The following CCDC9B variants were observed in gnomAD, a reference collection of about 807,000 sequenced individuals.
The protein encoded by CCDC9B is coiled-coil domain containing 9B, also known as coiled-coil domain-containing protein 9B.
CCDC9B carries 40 observed loss-of-function variants against 47.2 expected under a neutral mutation model. That is an observed-to-expected ratio of 0.85 (90% CI 0.66 to 1.10). The LOEUF is 1.10. Among genes scored for constraint, CCDC9B ranks in the 50% least tolerant of loss-of-function variants. The pLI, the probability that CCDC9B is intolerant of heterozygous loss-of-function variation, is 0.00. For missense variants in CCDC9B, 662 were observed against 651.0 expected (o/e 1.02, Z -0.18); for synonymous variants, 238 against 250.7 (o/e 0.95, Z 0.48).
chr15:40,338,824 T>G lies in CCDC9B; in HGVS notation c.311A>C (p.Asp104Ala). Residue 104 changes from aspartate to alanine, a missense_variant, in exon 4 of 11, where the codon GAT (aspartate) becomes GCT (alanine). Coordinates refer to ENST00000397536, the MANE Select transcript of CCDC9B (RefSeq NM_207380.3). ...RVTNEMLEDE[D>A]AEDHGGTFCL... ...GAAAGTACCCCCGTGGTCCTCAGCATCCTCATCCTCAAGCATCTCGTTGGT... is the reference window on the plus strand; with the variant it reads ...GAAAGTACCCCCGTGGTCCTCAGCAGCCTCATCCTCAAGCATCTCGTTGGT... 1 of 1,614,126 alleles carries G rather than the reference T, an allele frequency of 6.2e-7. No homozygotes were observed. The highest frequency in any genetic ancestry group is 8.5e-7 in the Non-Finnish European group (1 of 1,179,980).
chr15:40,340,888 C>G lies in CCDC9B; in HGVS notation c.-69G>C. ...AGCCAGAGTGGGAGGAAAGCTGGAG[C>G]CACCGGAGCCGGGCCTCTGCCGGCC... On this transcript the variant is annotated 5_prime_UTR_variant, in exon 1 of 11. Transcript: ENST00000397536. 6.2e-7 allele frequency: 1 copy of G among 1,608,258 alleles called. No homozygotes were observed. The highest frequency in any genetic ancestry group is 8.5e-7 in the Non-Finnish European group (1 of 1,178,202).
At position 40,333,327 on chromosome 15, in the gene CCDC9B, G is replaced by C. The variant is rs1171796201; in HGVS notation, c.*1831C>G. On this transcript the variant is annotated 3_prime_UTR_variant, in exon 11 of 11. Coordinates refer to ENST00000397536, the MANE Select transcript of CCDC9B (RefSeq NM_207380.3). ...TCATGCCTGTAATCCCAGCAGTTTA[G>C]GAGGCCAAGGCGAGCAGATTGCTTG... 6.6e-6 allele frequency: 1 copy of C among 152,110 alleles called. No individual in the cohort carries two copies. The highest frequency in any genetic ancestry group is 1.9e-4 in the East Asian group (1 of 5,190). The allele number at this position is 152,110 out of a possible 1,614,324, so 9.4% of individuals were successfully genotyped here. A position where few individuals can be genotyped will look rare whatever the true frequency, so the allele number is the denominator to read the frequency against.
At chr15:40,335,866 A>G in intron 9 of CCDC9B, 40 bp from the exon 10 acceptor site, 7 of 1,590,776 alleles carry the variant, frequency 4.4e-6, no homozygotes, top group Non-Finnish European at 6.0e-6. Context: ...ACCCCACTTC[A>G]CTCCAGAGCC....
intron 7 of CCDC9B, 24 bp downstream of exon 7, chr15:40,337,363 AG>A: frequency 6.2e-7 from 1 of 1,608,044 alleles, no homozygotes; most frequent in Non-Finnish European, 8.5e-7. Context: ...CAAGGAGGGG[AG>A]GGATGAGGTA....
chr15:40,339,745 C>T lies in CCDC9B; in HGVS notation c.124-126G>A. On this transcript the variant is annotated intron_variant, in intron 2 of 10. Transcript: ENST00000397536. ...GGGGCAGAGGCGCCACATCACACAT[C>T]CCCAGGACCCTCACCAAGCCTCTAA... 5.4e-6 allele frequency: 8 copies of T among 1,480,626 alleles called. No individual in the cohort carries two copies. In the South Asian group the frequency reaches 7.6e-5, roughly 14 times the overall value. The allele number at this position is 1,480,626 out of a possible 1,614,324, so 91.7% of individuals were successfully genotyped here. A position where few individuals can be genotyped will look rare whatever the true frequency, so the allele number is the denominator to read the frequency against.
In CCDC9B at chr15:40,338,856, G is replaced by T; in HGVS notation, c.279C>A (p.Pro93=). ...CCTCAAGCATCTCGTTGGTCACTCTGGGTCCACAGGTACCCCTTGCCCAGT... is the reference window on the plus strand; with the variant it reads ...CCTCAAGCATCTCGTTGGTCACTCTTGGTCCACAGGTACCCCTTGCCCAGT... ...SRNWARGTCG[P]RVTNEMLEDE... is the part of the protein sequence containing the mutation. Residue 93 remains proline, a synonymous_variant, in exon 4 of 11, where the codon CCC becomes CCA. Coordinates refer to ENST00000397536, the MANE Select transcript of CCDC9B (RefSeq NM_207380.3). The T allele has an allele frequency of 6.2e-7, 1 of 1,614,166 alleles. No individual in the cohort carries two copies. Among genetic ancestry groups the T allele is most frequent in the East Asian group, 2.2e-5 (1 of 44,888 alleles).
rs200868200 is a variant in CCDC9B at position 40,335,246 on chromosome 15, C to G, written c.1385G>C (p.Arg462Pro). 1.3e-6 allele frequency: 2 copies of G among 1,596,306 alleles called. No individual in the cohort carries two copies. The highest frequency in any genetic ancestry group is 4.5e-5 in the East Asian group (2 of 44,484). ...GAQQGLAPRS[R>P]PTRGGSQRSR... is the part of the protein sequence containing the mutation. ...CCTTTGGCTGCCTCCTCTCGTGGGC[C>G]GGCTTCTCGGGGCCAGGCCCTGCTG... Residue 462 changes from arginine (R) to proline (P), a missense_variant, in exon 11 of 11, where the codon CGG (arginine) becomes CCG (proline). Arg to Pro is a moderately radical substitution (Grantham distance 103). Transcript: ENST00000397536.
In CCDC9B at chr15:40,335,658, C is replaced by G; in HGVS notation, c.973G>C (p.Ala325Pro). The change falls in exon 11 of 11, where the codon GCC (alanine) becomes CCC (proline). Residue 325 changes from alanine to proline, a missense_variant. Physicochemically the swap from Ala to Pro is conservative, Grantham distance 27. Transcript: ENST00000397536. ...TGCTCCATCCCGCTCTGCTTCTGGG[C>G]TTGCTCCTCCTCACTGGGAGTCTCT... ...TRETPSEEEQ[A>P]QKQSGMEQGR... 3 of 1,537,964 alleles carry G rather than the reference C, an allele frequency of 2.0e-6. No individual in the cohort carries two copies. The highest frequency in any genetic ancestry group is 2.6e-6 in the Non-Finnish European group (3 of 1,139,024).
In CCDC9B at chr15:40,331,514, G is replaced by A. The variant is rs1387698580; in HGVS notation, c.*3644C>T. 2 of 144,414 alleles carry A rather than the reference G, an allele frequency of 1.4e-5. No homozygotes were observed. The highest frequency in any genetic ancestry group is 4.9e-5 in the African/African-American group (2 of 40,628). The allele number at this position is 144,414 out of a possible 1,614,324, so 8.9% of individuals were successfully genotyped here. On this transcript the variant is annotated 3_prime_UTR_variant, in exon 11 of 11. Transcript: ENST00000397536. ...TTACTGAGTGCCTTCTGTGTGCCAC[G>A]CTACTGTTAAGACAGAGTCCAACTC...
chr15:40,339,797 G>A (rs1431532365), intron 2 of CCDC9B, 108 bp downstream of exon 2: 1 of 1,386,744 alleles, frequency 7.2e-7, no homozygotes, highest in East Asian at 2.3e-5. Context: ...CCTACCCCTG[G>A]CCCCAGCCCC....
At chr15:40,335,888 C>T in intron 9 of CCDC9B, 62 bp from the exon 10 acceptor site, 1 of 1,571,320 alleles carries the variant, frequency 6.4e-7, no homozygotes, top group Non-Finnish European at 8.6e-7. Flanking sequence ...TGTCCCCCTG[C>T]CTGAATAGAG....
rs1184277536 is a variant in CCDC9B at position 40,332,201 on chromosome 15, T to C, written c.*2957A>G. 6.6e-6 allele frequency: 1 copy of C among 152,234 alleles called. No individual in the cohort carries two copies. The highest frequency in any genetic ancestry group is 1.9e-4 in the East Asian group (1 of 5,194). 9.4% of individuals were successfully genotyped at this position (152,234 alleles called of 1,614,324 possible). On this transcript the variant is annotated 3_prime_UTR_variant, in exon 11 of 11. Transcript: ENST00000397536. ...AGGAAGAGGTAGAACCAGCTTCCCA[T>C]GATGCCAAGCTCTGTGGAGGGGTGT...
rs1888921223 is a variant in CCDC9B, at chr15:40,334,845, GAGA to G, written c.*310_*312del. On this transcript the variant is annotated 3_prime_UTR_variant, in exon 11 of 11. Coordinates refer to ENST00000397536, the MANE Select transcript of CCDC9B (RefSeq NM_207380.3). Reference sequence around the variant, plus strand: ...CAAGCCTTGTTCTCTCATCATAGTGGAGAAGGCTTGTGGCCTGGGCAGCAGTAG... The same window carrying G: ...CAAGCCTTGTTCTCTCATCATAGTGGAGGCTTGTGGCCTGGGCAGCAGTAG... The G allele has an allele frequency of 4.0e-6, 1 of 251,204 alleles. No homozygotes were observed. Among genetic ancestry groups the G allele is most frequent in the Non-Finnish European group, 7.6e-6 (1 of 131,954 alleles). 15.6% of individuals were successfully genotyped at this position (251,204 alleles called of 1,614,324 possible).
chr15:40,339,843 C>G (rs991204022), intron 2 of CCDC9B, 62 bp downstream of exon 2: 75 of 1,448,652 alleles, frequency 5.2e-5, no homozygotes, highest in Admixed American at 1.2e-4. Flanking sequence ...GAGACCACCA[C>G]GTGTGGGGCA....
At chr15:40,337,601 G>T in intron 6 of CCDC9B, 123 bp downstream of exon 6, 4 of 1,251,824 alleles carry the variant, frequency 3.2e-6, no homozygotes, top group Non-Finnish European at 3.3e-6. Context: ...TGAACCCTGG[G>T]CTCGACCAGA....
chr15:40,337,681 T>G, intron 6 of CCDC9B, 43 bp downstream of exon 6: 4 of 1,549,762 alleles, frequency 2.6e-6, no homozygotes, highest in Non-Finnish European at 3.5e-6. Context: ...CGAAGCCAGC[T>G]CCATCCCGCA....
chr15:40,336,923 T>C, intron 7 of CCDC9B, 110 bp from the exon 8 acceptor site: 1 of 1,172,630 alleles, frequency 8.5e-7, no homozygotes, highest in Non-Finnish European at 1.2e-6. Context: ...CAGTCGTGGG[T>C]TTTGCCTCCC....
chr15:40,340,530 C>T, intron 1 of CCDC9B: 1 of 497,126 alleles, frequency 2.0e-6, no homozygotes, highest in Non-Finnish European at 3.6e-6. Context: ...CTCCCAGGGG[C>T]CCAGCCTCTC....
chr15:40,333,111 G>C lies in CCDC9B; in HGVS notation c.*2047C>G, dbSNP rs1325640881. 6.6e-6 allele frequency: 1 copy of C among 152,212 alleles called. No individual in the cohort carries two copies. The highest frequency in any genetic ancestry group is 2.4e-5 in the African/African-American group (1 of 41,354). The allele number at this position is 152,212 out of a possible 1,614,324, so 9.4% of individuals were successfully genotyped here. The stretch of plus-strand genomic sequence containing the variant: ...TGCAGCCAGGAAGCCCCCACCACCT[G>C]ACAGGGGTAGCACTCCCCCATCCCC... On this transcript the variant is annotated 3_prime_UTR_variant, in exon 11 of 11. Transcript: ENST00000397536.
Sources: gnomAD v4.1 joint callset for allele counts on GRCh38, gnomAD v4.1.1 for gene constraint, MANE v1.5 for transcripts, NCBI Gene and HGNC (gene_info 2026-07-23, HGNC 2026-07-21) for gene names.